MAP2K1: variants seen among roughly 807,000 people sequenced by gnomAD.
MAP2K1 encodes dual specificity mitogen-activated protein kinase kinase 1.
MAP2K1 carries 16 observed loss-of-function variants against 46.3 expected under a neutral mutation model. The ratio of observed to expected loss-of-function variants is 0.35; its 90% CI spans 0.23 to 0.52. MAP2K1 has a LOEUF of 0.52. Ranked by LOEUF, MAP2K1 falls within the 20% of genes least tolerant of loss-of-function variation. The probability of loss-of-function intolerance (pLI) is 0.94; values close to 1 mark genes in which losing one functional copy is unlikely to be tolerated. For synonymous variants in MAP2K1, 183 were observed against 185.6 expected (o/e 0.99, Z 0.11); for missense variants, 263 against 497.1 (o/e 0.53, Z 4.48).
Position 66,386,915 on chromosome 15 carries a change from C to G in MAP2K1, c.-433C>G, listed in dbSNP as rs1176657119. On this transcript the variant is annotated 5_prime_UTR_variant, in exon 1 of 11. Transcript: ENST00000307102. ...CCCCGCCCCTCCCCCGGCCTCCAGTCCCTCCCAGGGCCGCTTCGCAGAGCG... is the reference window on the plus strand; with the variant it reads ...CCCCGCCCCTCCCCCGGCCTCCAGTGCCTCCCAGGGCCGCTTCGCAGAGCG... The G allele has an allele frequency of 8.4e-6, 2 of 238,184 alleles. No homozygotes were observed. 14.8% of individuals were successfully genotyped at this position (238,184 alleles called of 1,614,324 possible). A position where few individuals can be genotyped will look rare whatever the true frequency, so the allele number is the denominator to read the frequency against.
Position 66,387,385 on chromosome 15 carries a change from C to G in MAP2K1, c.38C>G (p.Pro13Arg). The G allele has an allele frequency of 6.4e-7, 1 of 1,565,816 alleles. No homozygotes were observed. The highest frequency in any genetic ancestry group is 8.7e-7 in the Non-Finnish European group (1 of 1,154,506). ...KKKPTPIQLNPAPDGSAVNGT... is the reference protein window; with the variant it reads ...KKKPTPIQLNRAPDGSAVNGT... The stretch of plus-strand genomic sequence containing the variant: ...AAGCCGACGCCCATCCAGCTGAACC[C>G]GGCCCCCGACGGCTCTGCAGTTAAC... The change falls in exon 1 of 11, where the codon CCG (proline) becomes CGG (arginine). Residue 13 changes from proline to arginine, a missense_variant. Transcript: ENST00000307102.
chr15:66,428,911 C>G (rs1195694455), intron 1 of MAP2K1, among the ~76,000 whole-genome samples: 2 of 151,074 alleles, frequency 1.3e-5, no homozygotes, highest in East Asian at 3.9e-4. Context: ...TCCTGAGTAG[C>G]TGTGATTACA....
chr15:66,412,635 C>T (rs1331681260), intron 1 of MAP2K1, among the ~76,000 whole-genome samples: 2 of 152,214 alleles, frequency 1.3e-5, no homozygotes, highest in Admixed American at 6.5e-5. Flanking sequence ...ACACTGATAT[C>T]TTACATGCAT....
At chr15:66,408,260 C>T (rs900321812) in intron 1 of MAP2K1, among the ~76,000 whole-genome samples, 2 of 152,280 alleles carry the variant, frequency 1.3e-5, no homozygotes, top group Non-Finnish European at 1.5e-5. Context: ...CTTACAGTGA[C>T]GGGGCTCTTC....
intron 1 of MAP2K1, among the ~76,000 whole-genome samples, chr15:66,420,781 A>ATATATATATGTG (rs1567003072): frequency 3.4e-4 from 13 of 38,492 alleles, no homozygotes; most frequent in African/African-American, 9.2e-4. Flanking sequence ...ATATATGTGT[A>ATATATATATGTG]TATATATGTG....
chr15:66,433,971 G>T (rs776172046), intron 1 of MAP2K1, among the ~76,000 whole-genome samples: 52 of 152,324 alleles, frequency 3.4e-4, no homozygotes, highest in Non-Finnish European at 6.9e-4. Flanking sequence ...CAGGCAGGCT[G>T]CTCTCTGCCA....
chr15:66,478,325 GT>G (rs1892812388), intron 5 of MAP2K1, among the ~76,000 whole-genome samples: 1 of 141,102 alleles, frequency 7.1e-6, no homozygotes, highest in African/African-American at 2.6e-5. Flanking sequence ...ATATATATAT[GT>G]TATATATACA....
chr15:66,428,621 A>T (rs935166283), intron 1 of MAP2K1, among the ~76,000 whole-genome samples: 1 of 152,100 alleles, frequency 6.6e-6, no homozygotes, highest in East Asian at 1.9e-4. Flanking sequence ...CAAAAACCAA[A>T]AACATTTTCA....
intron 5 of MAP2K1, among the ~76,000 whole-genome samples, chr15:66,448,188 C>CT: frequency 6.6e-6 from 1 of 151,896 alleles, no homozygotes; most frequent in East Asian, 1.9e-4. Flanking sequence ...CTATTTCCCC[C>CT]TTTCCCCATC....
At chr15:66,416,967 G>C (rs2093426056) in intron 1 of MAP2K1, among the ~76,000 whole-genome samples, 1 of 152,108 alleles carries the variant, frequency 6.6e-6, no homozygotes, top group South Asian at 2.1e-4. Flanking sequence ...CTCTCCAGCT[G>C]CACCTCTACA....
intron 1 of MAP2K1, among the ~76,000 whole-genome samples, chr15:66,420,757 GTGTA>G (rs1268729237): frequency 0.023 from 469 of 20,234 alleles, 76 homozygotes; most frequent in Non-Finnish European, 0.027. Flanking sequence ...GTGTGTGTGT[GTGTA>G]TGTGTGTATA....
chr15:66,398,815 C>T (rs1458165289), intron 1 of MAP2K1, among the ~76,000 whole-genome samples: 1 of 150,222 alleles, frequency 6.7e-6, no homozygotes, highest in Non-Finnish European at 1.5e-5. Flanking sequence ...CTCTTGTCGT[C>T]CAGGCTAGAG....
chr15:66,429,670 C>CA, intron 1 of MAP2K1, among the ~76,000 whole-genome samples: 3 of 34,902 alleles, frequency 8.6e-5, no homozygotes, highest in African/African-American at 3.6e-4. Flanking sequence ...CGGCGCCCCC[C>CA]CCCCCCCCGT....
At chr15:66,476,546 T>G (rs554191682) in intron 5 of MAP2K1, among the ~76,000 whole-genome samples, 46 of 152,230 alleles carry the variant, frequency 3.0e-4, no homozygotes, top group African/African-American at 1.1e-3. Context: ...GGCGAGACTC[T>G]TACACAGGGG....
intron 1 of MAP2K1, among the ~76,000 whole-genome samples, chr15:66,416,363 C>T (rs1016170560): frequency 5.3e-5 from 8 of 151,724 alleles, no homozygotes; most frequent in Non-Finnish European, 1.0e-4. Context: ...CCCCCAAACA[C>T]ACACACCCAC....
Position 66,444,693 on chromosome 15 carries a change from A to G in MAP2K1, c.554A>G (p.Lys185Arg), listed in dbSNP as rs769044712. ...CTGACATATCTGAGGGAGAAGCACAAGATCATGCACAGAGGTAAGAAGTTA... is the reference window on the plus strand; with the variant it reads ...CTGACATATCTGAGGGAGAAGCACAGGATCATGCACAGAGGTAAGAAGTTA... ...KGLTYLREKH[K>R]IMHRDVKPSN... The change falls in exon 5 of 11, where the codon AAG becomes AGG. Residue 185 changes from lysine to arginine, a missense_variant. Lys to Arg is a conservative substitution (Grantham distance 26). Transcript: ENST00000307102. 2 of 1,612,806 alleles carry G rather than the reference A, an allele frequency of 1.2e-6. No homozygotes were observed. The highest frequency in any genetic ancestry group is 1.3e-5 in the African/African-American group (1 of 74,916).
At chr15:66,414,781 CT>C (rs79790588) in intron 1 of MAP2K1, among the ~76,000 whole-genome samples, 2,469 of 141,292 alleles carry the variant, frequency 0.017, 32 homozygotes, top group African/African-American at 0.041. Flanking sequence ...CATCCTGTGT[CT>C]TTTTTTTTTT....
At chr15:66,469,170 C>T (rs1408478978) in intron 5 of MAP2K1, among the ~76,000 whole-genome samples, 3 of 151,508 alleles carry the variant, frequency 2.0e-5, no homozygotes, top group East Asian at 3.9e-4. Flanking sequence ...GCAGGAGAAT[C>T]GCTTGAACCC....
chr15:66,410,029 T>C (rs754209244), intron 1 of MAP2K1, among the ~76,000 whole-genome samples: 1 of 152,194 alleles, frequency 6.6e-6, no homozygotes, highest in Non-Finnish European at 1.5e-5. Flanking sequence ...GCCTCCTGTA[T>C]GTATATATGA....
Sources: allele counts gnomAD v4.1 joint callset (sites outside exome capture counted in the v4.1 genomes callset), GRCh38; gene constraint gnomAD v4.1.1; transcripts MANE v1.5; gene names NCBI Gene and HGNC (gene_info 2026-07-23, HGNC 2026-07-21).